The following GRIK3 variants were observed in gnomAD, a reference collection of about 807,000 sequenced individuals.
The protein encoded by GRIK3 is glutamate receptor ionotropic, kainate 3.
In GRIK3, 29 loss-of-function variants were observed where a neutral mutation model predicts 102.5. The ratio of observed to expected loss-of-function variants is 0.28; its 90% CI spans 0.21 to 0.39. GRIK3 has a LOEUF of 0.39. Ranked by LOEUF, GRIK3 falls within the 10% of genes least tolerant of loss-of-function variation. GRIK3 has a pLI of 1.00. For synonymous variants in GRIK3, 511 were observed against 504.9 expected, an observed-to-expected ratio of 1.01 and a Z score of -0.16; for missense variants, 908 against 1,252.4, an observed-to-expected ratio of 0.73 and a Z score of 4.15.
intron 2 of GRIK3, among the ~76,000 whole-genome samples, chr1:36,883,393 G>C (rs1356259019): frequency 2.0e-5 from 3 of 152,258 alleles, no homozygotes; most frequent in African/African-American, 7.2e-5. Flanking sequence ...ACCATAAGGG[G>C]CCTTGCATTC....
chr1:36,983,566 G>A (rs1298334067), intron 1 of GRIK3, among the ~76,000 whole-genome samples: 1 of 152,036 alleles, frequency 6.6e-6, no homozygotes, highest in African/African-American at 2.4e-5. Context: ...CAGATATGGA[G>A]GCACAGAGAG....
In GRIK3 at chr1:36,887,348, A is replaced by C. The variant is rs145795211; in HGVS notation, c.292+3572T>G. Among the ~76,000 whole-genome samples, 30 of 152,334 alleles carry C rather than the reference A, an allele frequency of 2.0e-4. No individual in the cohort carries two copies. In the East Asian group the frequency reaches 5.6e-3, roughly 28 times the overall value. On this transcript the variant is annotated intron_variant, in intron 2 of 15. Coordinates refer to ENST00000373091, the MANE Select transcript of GRIK3 (RefSeq NM_000831.4). ...AATATTGATAAATTGGACTTCTTTA[A>C]ATTAAGAACTTTACTCCTCAAAAGA...
At chr1:36,895,872 CA>C (rs1412506734) in intron 1 of GRIK3, among the ~76,000 whole-genome samples, 1 of 152,024 alleles carries the variant, frequency 6.6e-6, no homozygotes, top group East Asian at 1.9e-4. Context: ...AAAATCCCAA[CA>C]AGCCCGAAGA....
chr1:36,950,441 A>G (rs1268043799), intron 1 of GRIK3, among the ~76,000 whole-genome samples: 1 of 152,240 alleles, frequency 6.6e-6, no homozygotes, highest in Non-Finnish European at 1.5e-5. Context: ...TGGATGCTCC[A>G]TAATTTATTT....
At chr1:36,828,573 T>G (rs948869317) in intron 10 of GRIK3, among the ~76,000 whole-genome samples, 3 of 152,182 alleles carry the variant, frequency 2.0e-5, no homozygotes, top group Admixed American at 2.0e-4. Context: ...TGTGTGGAAG[T>G]ATAGCCTATG....
At chr1:36,846,192 C>A (rs546328784) in intron 9 of GRIK3, among the ~76,000 whole-genome samples, 1 of 151,884 alleles carries the variant, frequency 6.6e-6, no homozygotes, top group Non-Finnish European at 1.5e-5. Context: ...TGGGGCCGGG[C>A]GGTGAGAGGG....
chr1:36,927,638 A>G (rs1641542239), intron 1 of GRIK3, among the ~76,000 whole-genome samples: 1 of 152,150 alleles, frequency 6.6e-6, no homozygotes, highest in Non-Finnish European at 1.5e-5. Flanking sequence ...GATAGAGGGA[A>G]AAAAGAGGGA....
At chr1:36,823,691 T>C (rs980193080) in intron 11 of GRIK3, among the ~76,000 whole-genome samples, 64 of 152,090 alleles carry the variant, frequency 4.2e-4, no homozygotes, top group Admixed American at 1.4e-3. Context: ...AACTCTCCGC[T>C]GCCTATCACT....
At chr1:36,974,064 C>G (rs1421716616) in intron 1 of GRIK3, among the ~76,000 whole-genome samples, 1 of 152,148 alleles carries the variant, frequency 6.6e-6, no homozygotes. Context: ...GATTGAGGCC[C>G]CAGCAAACCC....
At chr1:36,874,295 C>T (rs1489921734) in intron 3 of GRIK3, among the ~76,000 whole-genome samples, 1 of 152,176 alleles carries the variant, frequency 6.6e-6, no homozygotes, top group Non-Finnish European at 1.5e-5. Flanking sequence ...TGTCCATCAT[C>T]TCACTTTGCT....
At chr1:36,955,540 G>A (rs1311227563) in intron 1 of GRIK3, among the ~76,000 whole-genome samples, 2 of 152,038 alleles carry the variant, frequency 1.3e-5, no homozygotes, top group African/African-American at 4.8e-5. Flanking sequence ...CCCGCCCCCG[G>A]AGAACACGCA....
chr1:36,908,944 TAAC>T (rs1557721517), intron 1 of GRIK3, among the ~76,000 whole-genome samples: 1 of 152,134 alleles, frequency 6.6e-6, no homozygotes. Context: ...ACAGCAGTAA[TAAC>T]AACTGACTGT....
rs1396015173 is a variant in GRIK3 at position 36,800,140 on chromosome 1, T to G, written c.*1711A>C. ...TGTGGTCTCCTGCTTTGCTAGAGATTGCCCTTCACCCAGATGAGAAAGCCC... is the reference window on the plus strand; with the variant it reads ...TGTGGTCTCCTGCTTTGCTAGAGATGGCCCTTCACCCAGATGAGAAAGCCC... On this transcript the variant is annotated 3_prime_UTR_variant, in exon 16 of 16. Transcript: ENST00000373091. 2 of 152,268 alleles carry G rather than the reference T, an allele frequency of 1.3e-5. No homozygotes were observed. Among genetic ancestry groups the G allele is most frequent in the South Asian group, 2.1e-4 (1 of 4,820 alleles). The allele number at this position is 152,268 out of a possible 1,614,324, so 9.4% of individuals were successfully genotyped here. A position where few individuals can be genotyped will look rare whatever the true frequency, so the allele number is the denominator to read the frequency against.
At chr1:36,984,578 T>C (rs921029024) in intron 1 of GRIK3, among the ~76,000 whole-genome samples, 1 of 152,146 alleles carries the variant, frequency 6.6e-6, no homozygotes, top group Non-Finnish European at 1.5e-5. Flanking sequence ...CAGCGAGGTG[T>C]CTTTGGGGCA....
intron 1 of GRIK3, among the ~76,000 whole-genome samples, chr1:37,025,784 T>C (rs1161075966): frequency 6.6e-6 from 1 of 152,208 alleles, no homozygotes; most frequent in Non-Finnish European, 1.5e-5. Flanking sequence ...TCCTATGAAT[T>C]GGAACCCTTT....
intron 1 of GRIK3, among the ~76,000 whole-genome samples, chr1:37,022,750 T>C (rs922713919): frequency 6.6e-6 from 1 of 152,248 alleles, no homozygotes; most frequent in Non-Finnish European, 1.5e-5. Flanking sequence ...CAAATGACCA[T>C]ATTCACCATT....
At position 36,800,766 on chromosome 1, in the gene GRIK3, C is replaced by T. The variant is rs545148439; in HGVS notation, c.*1085G>A. 3.9e-5 allele frequency: 6 copies of T among 152,334 alleles called. No homozygotes were observed. The highest frequency in any genetic ancestry group is 1.2e-4 in the African/African-American group (5 of 41,568). The allele number at this position is 152,334 out of a possible 1,614,324, so 9.4% of individuals were successfully genotyped here. On this transcript the variant is annotated 3_prime_UTR_variant, in exon 16 of 16. Transcript: ENST00000373091. ...CCCAAAGTTAGTCTGTGTAGTAGGA[C>T]ACTAACTCCTTTTTTGAGGAGGGAC...
intron 9 of GRIK3, among the ~76,000 whole-genome samples, chr1:36,843,068 C>T (rs542704625): frequency 6.6e-6 from 1 of 152,218 alleles, no homozygotes; most frequent in East Asian, 1.9e-4. Context: ...CAGAGCATGA[C>T]TTTGTCTGAT....
intron 1 of GRIK3, among the ~76,000 whole-genome samples, chr1:37,018,297 G>T (rs1642674595): frequency 6.6e-6 from 1 of 152,174 alleles, no homozygotes; most frequent in Non-Finnish European, 1.5e-5. Context: ...AGGTCCCAAG[G>T]CATCTTACTG....
Sources: allele counts gnomAD v4.1 joint callset (sites outside exome capture counted in the v4.1 genomes callset), GRCh38; gene constraint gnomAD v4.1.1; transcripts MANE v1.5; gene names NCBI Gene and HGNC (gene_info 2026-07-23, HGNC 2026-07-21).